The following TMEM132D variants were observed in gnomAD, a reference collection of about 807,000 sequenced individuals.
The protein encoded by TMEM132D is mature OL transmembrane protein.
A neutral mutation model predicts 62.3 loss-of-function variants in TMEM132D; 21 were observed. The ratio of observed to expected loss-of-function variants is 0.34; its 90% CI spans 0.24 to 0.49. The LOEUF is 0.49. TMEM132D is among the 20% of genes least tolerant of loss of function. The pLI is 0.99. For synonymous variants in TMEM132D, 621 were observed against 575.6 expected (o/e 1.08, Z -1.13); for missense variants, 1,346 against 1,402.8 (o/e 0.96, Z 0.65).
At position 129,605,587 on chromosome 12, in the gene TMEM132D, T is replaced by TTGTATATATATATATATATATATATATA. The variant is rs1555221320; in HGVS notation, c.969-74383_969-74382insTATATATATATATATATATATATATACA. Reference sequence around the variant, plus strand: ...TTAAATTATTATGGGAAATTAGGCATTATATATATATATATATACACACAC... The same window carrying TTGTATATATATATATATATATATATATA: ...TTAAATTATTATGGGAAATTAGGCATTGTATATATATATATATATATATATATATATATATATATATATATACACACAC... On this transcript the variant is annotated intron_variant, in intron 2 of 8. Transcript: ENST00000422113. 1.0e-3 allele frequency among the ~76,000 whole-genome samples: 110 copies of TTGTATATATATATATATATATATATATA among 107,296 alleles called. 2 individuals carry two copies. Among genetic ancestry groups the TTGTATATATATATATATATATATATATA allele is most frequent in the African/African-American group, 4.0e-3 (103 of 25,658 alleles). 70.4% of individuals were successfully genotyped at this position (107,296 alleles called of 152,430 possible).
Position 129,561,128 on chromosome 12 carries a change from G to A in TMEM132D, c.969-29923C>T, listed in dbSNP as rs371867878. Among the ~76,000 whole-genome samples the A allele has an allele frequency of 1.4e-4, 21 of 152,306 alleles. No individual in the cohort carries two copies. The East Asian group carries it at 2.9e-3, about 21-fold the overall frequency. Reference sequence around the variant, plus strand: ...AAATTGGGGACTTAATTTGGTTTGCGAGATTCAGGGAATGCCTCTCTGAGA... The same window carrying A: ...AAATTGGGGACTTAATTTGGTTTGCAAGATTCAGGGAATGCCTCTCTGAGA... On this transcript the variant is annotated intron_variant, in intron 2 of 8. Coordinates refer to ENST00000422113, the MANE Select transcript of TMEM132D (RefSeq NM_133448.3).
chr12:129,802,245 C>T (rs1303137381), intron 1 of TMEM132D, among the ~76,000 whole-genome samples: 1 of 140,556 alleles, frequency 7.1e-6, no homozygotes, highest in South Asian at 2.5e-4. Context: ...GTCAGATTCA[C>T]CAAAGTTGAA....
At chr12:129,679,089 T>C (rs1262160441) in intron 2 of TMEM132D, among the ~76,000 whole-genome samples, 3 of 151,914 alleles carry the variant, frequency 2.0e-5, no homozygotes, top group African/African-American at 7.2e-5. Context: ...TTGATCTTCA[T>C]ATAAATTTAA....
intron 4 of TMEM132D, among the ~76,000 whole-genome samples, chr12:129,257,736 G>C (rs1880445407): frequency 6.6e-6 from 1 of 152,136 alleles, no homozygotes; most frequent in South Asian, 2.1e-4. Context: ...AGGGCTTCCA[G>C]GAAATGCCAC....
intron 2 of TMEM132D, among the ~76,000 whole-genome samples, chr12:129,580,755 A>AATC (rs1877832394): frequency 6.6e-6 from 1 of 151,774 alleles, no homozygotes; most frequent in African/African-American, 2.4e-5. Flanking sequence ...ATAAATAAAT[A>AATC]AATCACTGTC....
In TMEM132D at chr12:129,454,232, C is replaced by A. The variant is rs138943332; in HGVS notation, c.1115+76827G>T. On this transcript the variant is annotated intron_variant, in intron 3 of 8. Coordinates refer to ENST00000422113, the MANE Select transcript of TMEM132D (RefSeq NM_133448.3). ...GGTCCAAGCATTGCTATTGAGACTA[C>A]ACTATGGAATTATGGAAAAGATTAG... is the stretch of plus-strand genomic sequence containing the variant. Among the ~76,000 whole-genome samples the A allele has an allele frequency of 4.4e-3, 668 of 152,296 alleles. 3 individuals are homozygous for A. The highest frequency in any genetic ancestry group is 0.017 in the Middle Eastern group (5 of 294).
chr12:129,611,230 G>A (rs546903454), intron 2 of TMEM132D, among the ~76,000 whole-genome samples: 1 of 152,234 alleles, frequency 6.6e-6, no homozygotes, highest in South Asian at 2.1e-4. Context: ...GTAGTGTCTA[G>A]ATTTTACTTT....
intron 4 of TMEM132D, among the ~76,000 whole-genome samples, chr12:129,318,883 G>A (rs573248612): frequency 7.9e-5 from 12 of 152,202 alleles, no homozygotes; most frequent in African/African-American, 2.2e-4. Flanking sequence ...GCTGAGTCAC[G>A]TAGGTTGTCA....
chr12:129,478,536 C>G (rs1022200550), intron 3 of TMEM132D, among the ~76,000 whole-genome samples: 3 of 152,158 alleles, frequency 2.0e-5, no homozygotes, highest in Non-Finnish European at 2.9e-5. Context: ...ATTTTTGGAA[C>G]AGTTCAGAAT....
intron 4 of TMEM132D, among the ~76,000 whole-genome samples, chr12:129,323,387 CTG>C (rs1311694689): frequency 6.6e-6 from 1 of 150,958 alleles, no homozygotes; most frequent in African/African-American, 2.4e-5. Context: ...ACACCAAACT[CTG>C]TGAACATGCT....
chr12:129,690,092 G>A (rs1444852632), intron 2 of TMEM132D, among the ~76,000 whole-genome samples: 1 of 152,094 alleles, frequency 6.6e-6, no homozygotes, highest in Admixed American at 6.5e-5. Context: ...AGGGTAAACG[G>A]GAAAACTCAG....
At chr12:129,214,450 T>C (rs1879146749) in intron 4 of TMEM132D, among the ~76,000 whole-genome samples, 1 of 152,206 alleles carries the variant, frequency 6.6e-6, no homozygotes, top group Non-Finnish European at 1.5e-5. Flanking sequence ...CTTAAGAGAT[T>C]GATCTCTGTG....
chr12:129,797,479 C>T (rs150421127), intron 1 of TMEM132D, among the ~76,000 whole-genome samples: 3 of 152,292 alleles, frequency 2.0e-5, no homozygotes, highest in East Asian at 1.9e-4. Context: ...GGTCACTGTG[C>T]GCATCCACCT....
intron 4 of TMEM132D, among the ~76,000 whole-genome samples, chr12:129,278,381 G>A (rs1881052807): frequency 1.3e-5 from 2 of 152,234 alleles, no homozygotes; most frequent in South Asian, 2.1e-4. Context: ...GTAGCTGCTG[G>A]GGACATCTGG....
At chr12:129,176,911 G>C (rs776591649) in intron 5 of TMEM132D, among the ~76,000 whole-genome samples, 2 of 152,342 alleles carry the variant, frequency 1.3e-5, no homozygotes, top group East Asian at 3.9e-4. Flanking sequence ...CAAATGCTGC[G>C]ATTTGGGAAA....
intron 4 of TMEM132D, among the ~76,000 whole-genome samples, chr12:129,248,183 C>T (rs1052048334): frequency 2.0e-5 from 3 of 152,150 alleles, no homozygotes; most frequent in Non-Finnish European, 4.4e-5. Flanking sequence ...TTTGCTGAAA[C>T]GTTTGCTGAA....
chr12:129,873,437 G>A (rs1010823269), intron 1 of TMEM132D, among the ~76,000 whole-genome samples: 8 of 152,118 alleles, frequency 5.3e-5, no homozygotes, highest in African/African-American at 1.7e-4. Context: ...GACTGCCGTC[G>A]CCTACATTAC....
chr12:129,584,180 AAGT>A (rs947568600), intron 2 of TMEM132D, among the ~76,000 whole-genome samples: 2 of 152,188 alleles, frequency 1.3e-5, no homozygotes, highest in Admixed American at 1.3e-4. Context: ...AAAAAAAATG[AAGT>A]TGTCAAAAAG....
chr12:129,449,897 T>C (rs1424662771), intron 3 of TMEM132D, among the ~76,000 whole-genome samples: 1 of 152,224 alleles, frequency 6.6e-6, no homozygotes, highest in African/African-American at 2.4e-5. Flanking sequence ...GGTCTTGTGA[T>C]CAAAAGATTT....
Sources: allele counts gnomAD v4.1 joint callset (sites outside exome capture counted in the v4.1 genomes callset), GRCh38; gene constraint gnomAD v4.1.1; transcripts MANE v1.5; gene names NCBI Gene and HGNC (gene_info 2026-07-23, HGNC 2026-07-21).